The following EXOC4 variants were observed in gnomAD, a reference collection of about 807,000 sequenced individuals.
The protein encoded by EXOC4 is SEC8-like 1.
EXOC4 carries 71 observed loss-of-function variants against 107.2 expected under a neutral mutation model. The ratio of observed to expected loss-of-function variants is 0.66; its 90% confidence interval spans 0.55 to 0.81. The LOEUF (loss-of-function observed/expected upper bound fraction) is 0.81. Ranked by LOEUF, EXOC4 falls within the 30% of genes least tolerant of loss-of-function variation. The pLI is 0.00. For synonymous variants in EXOC4, 456 were observed against 441.2 expected, an observed-to-expected ratio of 1.03 and a Z score of -0.42; for missense variants, 1,108 against 1,189.6, an observed-to-expected ratio of 0.93 and a Z score of 1.01.
chr7:133,341,772 A>G (rs779168117), intron 5 of EXOC4, among the ~76,000 whole-genome samples: 3 of 152,118 alleles, frequency 2.0e-5, no homozygotes, highest in African/African-American at 2.4e-5. Flanking sequence ...TAGTCCTTTT[A>G]TCATTATCTA....
At chr7:133,634,748 C>G (rs1802667796) in intron 10 of EXOC4, among the ~76,000 whole-genome samples, 1 of 152,138 alleles carries the variant, frequency 6.6e-6, no homozygotes, top group African/African-American at 2.4e-5. Flanking sequence ...TCCCAAAATG[C>G]TGAGATTACA....
chr7:133,672,339 C>T (rs1160160294), intron 10 of EXOC4, among the ~76,000 whole-genome samples: 2 of 149,820 alleles, frequency 1.3e-5, no homozygotes, highest in Non-Finnish European at 3.0e-5. Flanking sequence ...TGCAGTGAGC[C>T]GAGATCGCAC....
chr7:133,552,888 A>T (rs920761866), intron 9 of EXOC4, among the ~76,000 whole-genome samples: 1 of 152,136 alleles, frequency 6.6e-6, no homozygotes, highest in Admixed American at 6.6e-5. Flanking sequence ...GCCTCCTCTT[A>T]AATTTTTATT....
At chr7:133,258,365 A>G (rs543043525) in intron 1 of EXOC4, among the ~76,000 whole-genome samples, 1 of 152,224 alleles carries the variant, frequency 6.6e-6, no homozygotes, top group East Asian at 1.9e-4. Flanking sequence ...TCAAGCCATT[A>G]TTTGTACATA....
At chr7:133,876,885 G>T (rs866390965) in intron 11 of EXOC4, among the ~76,000 whole-genome samples, 2 of 151,772 alleles carry the variant, frequency 1.3e-5, no homozygotes. Context: ...TCAGCAATTC[G>T]ATTATTTGTG....
chr7:133,708,458 T>G (rs535541611), intron 10 of EXOC4, among the ~76,000 whole-genome samples: 2 of 152,288 alleles, frequency 1.3e-5, no homozygotes, highest in African/African-American at 4.8e-5. Context: ...AAGAAGACAA[T>G]CAACACATTT....
At chr7:133,570,631 C>T (rs117070113) in intron 9 of EXOC4, among the ~76,000 whole-genome samples, 2,777 of 152,202 alleles carry the variant, frequency 0.018, 34 homozygotes, top group Non-Finnish European at 0.028. Context: ...CCATGTCATG[C>T]GTGAAACTGA....
At chr7:133,807,165 C>T (rs1359876904) in intron 10 of EXOC4, among the ~76,000 whole-genome samples, 2 of 152,058 alleles carry the variant, frequency 1.3e-5, no homozygotes, top group East Asian at 1.9e-4. Context: ...TGGAACCAGT[C>T]CCCCAGGGAT....
At chr7:133,686,821 T>C (rs1794308010) in intron 10 of EXOC4, among the ~76,000 whole-genome samples, 1 of 151,994 alleles carries the variant, frequency 6.6e-6, no homozygotes, top group South Asian at 2.1e-4. Flanking sequence ...GAACTAAAAG[T>C]AGAAGTACCT....
At chr7:134,000,093 A>T in intron 15 of EXOC4, among the ~76,000 whole-genome samples, 1 of 152,152 alleles carries the variant, frequency 6.6e-6, no homozygotes, top group East Asian at 1.9e-4. Flanking sequence ...TTTTAAATTA[A>T]ATTTCCTCAC....
intron 9 of EXOC4, among the ~76,000 whole-genome samples, chr7:133,553,185 G>A (rs1230273319): frequency 3.3e-5 from 5 of 152,152 alleles, no homozygotes; most frequent in African/African-American, 1.2e-4. Context: ...GATATGAAGT[G>A]TTTTATAAAG....
intron 15 of EXOC4, among the ~76,000 whole-genome samples, chr7:133,999,594 A>G (rs974173054): frequency 1.3e-5 from 2 of 152,318 alleles, no homozygotes; most frequent in East Asian, 1.9e-4. Context: ...GGTGTTTTCT[A>G]TGAACAAATA....
chr7:133,275,180 C>T lies in EXOC4; in HGVS notation c.276+9C>T. On this transcript the variant is annotated intron_variant, in intron 2 of 17. Coordinates refer to ENST00000253861, the MANE Select transcript of EXOC4 (RefSeq NM_021807.4). ...GAAATAAAATAAAGCAGGTATTCCTCCTTTCTGGTCTGATGGTGGCAGCAC... is the reference window on the plus strand; with the variant it reads ...GAAATAAAATAAAGCAGGTATTCCTTCTTTCTGGTCTGATGGTGGCAGCAC... 2 of 1,576,732 alleles carry T rather than the reference C, an allele frequency of 1.3e-6. No homozygotes were observed. Among genetic ancestry groups the T allele is most frequent in the Non-Finnish European group, 1.7e-6 (2 of 1,158,454 alleles).
At chr7:133,794,803 T>TA (rs1796778190) in intron 10 of EXOC4, among the ~76,000 whole-genome samples, 1 of 151,990 alleles carries the variant, frequency 6.6e-6, no homozygotes, top group African/African-American at 2.4e-5. Context: ...TTTTTTTTTT[T>TA]AATTATACTT....
downstream of EXOC4, among the ~76,000 whole-genome samples, chr7:134,067,300 A>G (rs1796194935): frequency 6.6e-6 from 1 of 152,138 alleles, no homozygotes; most frequent in Non-Finnish European, 1.5e-5. Flanking sequence ...TCACTGTGCC[A>G]TGGAGTAGGC....
chr7:133,255,261 C>A (rs1411749622), intron 1 of EXOC4, among the ~76,000 whole-genome samples: 1 of 152,056 alleles, frequency 6.6e-6, no homozygotes, highest in Non-Finnish European at 1.5e-5. Context: ...ACTGCAACCT[C>A]CGCCTCCCAG....
At chr7:134,096,680 A>G in the EXOC4 span, among the ~76,000 whole-genome samples, 1 of 152,142 alleles carries the variant, frequency 6.6e-6, no homozygotes, top group Non-Finnish European at 1.5e-5. Flanking sequence ...AAGAATTTAG[A>G]GTCTGATGTT....
intron 6 of EXOC4, among the ~76,000 whole-genome samples, chr7:133,360,156 C>A (rs1486638268): frequency 6.6e-6 from 1 of 152,210 alleles, no homozygotes; most frequent in Non-Finnish European, 1.5e-5. Flanking sequence ...ATTTCTTCAA[C>A]TCCTGCTGCC....
At chr7:133,341,850 A>G (rs1007839666) in intron 5 of EXOC4, among the ~76,000 whole-genome samples, 1 of 152,104 alleles carries the variant, frequency 6.6e-6, no homozygotes, top group Non-Finnish European at 1.5e-5. Flanking sequence ...AGAAATAGCT[A>G]TTCTTGCTCA....
Sources: allele counts gnomAD v4.1 joint callset (sites outside exome capture counted in the v4.1 genomes callset), GRCh38; gene constraint gnomAD v4.1.1; transcripts MANE v1.5; gene names NCBI Gene and HGNC (gene_info 2026-07-23, HGNC 2026-07-21).